The following RMND1 variants were observed in gnomAD, a reference collection of about 807,000 sequenced individuals.
The protein encoded by RMND1 is required for meiotic nuclear division protein 1 homolog.
RMND1 carries 41 observed loss-of-function variants against 54.0 expected under a neutral mutation model. The ratio of observed to expected loss-of-function variants is 0.76; its 90% CI spans 0.59 to 0.98. The LOEUF (loss-of-function observed/expected upper bound fraction) is 0.98. Among genes scored for constraint, RMND1 ranks in the 50% least tolerant of loss-of-function variants. The pLI, the probability that RMND1 is intolerant of heterozygous loss-of-function variation, is 0.00. For missense variants in RMND1, 457 were observed against 532.0 expected, an observed-to-expected ratio of 0.86 and a Z score of 1.39; for synonymous variants, 183 against 181.7, an observed-to-expected ratio of 1.01 and a Z score of -0.06.
intron 4 of RMND1, 74 bp from the exon 5 acceptor site, chr6:151,430,251 G>C (rs746535635): frequency 9.6e-7 from 1 of 1,045,516 alleles, no homozygotes; most frequent in Non-Finnish European, 1.5e-6. Flanking sequence ...ATAAAACCAT[G>C]TAACTTCTAG....
At chr6:151,448,809 C>T (rs1021566489) in intron 1 of RMND1, among the ~76,000 whole-genome samples, 3 of 152,222 alleles carry the variant, frequency 2.0e-5, no homozygotes, top group African/African-American at 7.2e-5. Context: ...AGCCCTCCAA[C>T]CAGGCATGGC....
At chr6:151,414,696 G>C (rs1190136840) in intron 10 of RMND1, among the ~76,000 whole-genome samples, 1 of 152,016 alleles carries the variant, frequency 6.6e-6, no homozygotes, top group African/African-American at 2.4e-5. Context: ...AACAGAGGAA[G>C]GAATCAATCA....
At chr6:151,406,639 C>T (rs983082252) in intron 10 of RMND1, among the ~76,000 whole-genome samples, 66 of 152,222 alleles carry the variant, frequency 4.3e-4, no homozygotes, top group Non-Finnish European at 2.2e-4. Flanking sequence ...CGTGAGCCAC[C>T]GTGCCAGGCC....
chr6:151,450,666 C>T (rs1382475449), intron 1 of RMND1, among the ~76,000 whole-genome samples: 2 of 151,088 alleles, frequency 1.3e-5, no homozygotes, highest in African/African-American at 4.9e-5. Context: ...ATGTGAGGAG[C>T]CCCTCTGCCC....
intron 6 of RMND1, among the ~76,000 whole-genome samples, chr6:151,425,815 CACTT>C (rs1780277958): frequency 1.3e-5 from 2 of 152,166 alleles, no homozygotes; most frequent in South Asian, 2.1e-4. Context: ...ACATGGAAGG[CACTT>C]ACTTAGAAAA....
chr6:151,451,013 T>A (rs1225019666), intron 1 of RMND1, among the ~76,000 whole-genome samples: 2 of 152,054 alleles, frequency 1.3e-5, no homozygotes, highest in African/African-American at 2.4e-5. Context: ...GCGTGCTGGT[T>A]AAGAGTCATC....
At chr6:151,415,895 G>A (rs1779990848) in intron 10 of RMND1, among the ~76,000 whole-genome samples, 1 of 152,070 alleles carries the variant, frequency 6.6e-6, no homozygotes, top group African/African-American at 2.4e-5. Flanking sequence ...TCACTGCCAG[G>A]GGTTAGGGAC....
At chr6:151,431,618 C>T (rs1468005126) in intron 4 of RMND1, among the ~76,000 whole-genome samples, 1 of 152,144 alleles carries the variant, frequency 6.6e-6, no homozygotes, top group African/African-American at 2.4e-5. Context: ...ATGTGGTACT[C>T]AGAGGCCACA....
chr6:151,434,797 T>C (rs187871461), intron 3 of RMND1, among the ~76,000 whole-genome samples: 2 of 152,340 alleles, frequency 1.3e-5, no homozygotes, highest in Admixed American at 1.3e-4. Flanking sequence ...ATAAATGTTC[T>C]GGGTATTGAG....
Position 151,427,445 on chromosome 6 carries a change from A to G in RMND1, c.830+37T>C, listed in dbSNP as rs770045113. The stretch of plus-strand genomic sequence containing the variant: ...CTATTGCTTTACCTAATTTATTCCA[A>G]GTGCCCCTTTCATAAATTTGATGAA... On this transcript the variant is annotated intron_variant, in intron 6 of 11. Coordinates refer to ENST00000444024, the MANE Select transcript of RMND1 (RefSeq NM_017909.4). 247 of 1,232,652 alleles carry G rather than the reference A, an allele frequency of 2.0e-4. 1 individual carries two copies. Among genetic ancestry groups the G allele is most frequent in the Non-Finnish European group, 2.8e-4 (237 of 837,898 alleles). The allele number at this position is 1,232,652 out of a possible 1,614,324, so 76.4% of individuals were successfully genotyped here.
chr6:151,406,141 T>C (rs541516958), intron 10 of RMND1, among the ~76,000 whole-genome samples: 2 of 152,204 alleles, frequency 1.3e-5, no homozygotes, highest in Non-Finnish European at 2.9e-5. Context: ...GAGGCAAACT[T>C]GAAACATAAT....
intron 1 of RMND1, among the ~76,000 whole-genome samples, chr6:151,449,791 G>T (rs989922010): frequency 3.3e-5 from 5 of 152,356 alleles, no homozygotes; most frequent in East Asian, 1.9e-4. Flanking sequence ...TGCGATTACA[G>T]GCGCATGCCG....
At position 151,414,734 on chromosome 6, in the gene RMND1, C is replaced by T. The variant is rs556015570; in HGVS notation, c.1200+2545G>A. On this transcript the variant is annotated intron_variant, in intron 10 of 11. Coordinates refer to ENST00000444024, the MANE Select transcript of RMND1 (RefSeq NM_017909.4). ...TAGAAGATGAAACAAAGGACATTAC[C>T]CAATCTTAACAGAGACAAAATATAC... 2.6e-5 allele frequency among the ~76,000 whole-genome samples: 4 copies of T among 152,010 alleles called. No individual in the cohort carries two copies. In the South Asian group the frequency reaches 8.3e-4, roughly 32 times the overall value.
At chr6:151,447,836 G>A (rs564613606) in intron 1 of RMND1, among the ~76,000 whole-genome samples, 43 of 127,122 alleles carry the variant, frequency 3.4e-4, no homozygotes, top group African/African-American at 1.1e-3. Context: ...TTTTTGAGAT[G>A]GGAGTCTCGC....
At chr6:151,405,404 G>C in intron 11 of RMND1, 137 bp from the exon 12 acceptor site, 1 of 760,670 alleles carries the variant, frequency 1.3e-6, no homozygotes, top group Non-Finnish European at 2.2e-6. Context: ...GGCAACCTAT[G>C]AATTGGAGGT....
intron 9 of RMND1, among the ~76,000 whole-genome samples, chr6:151,418,085 T>C (rs1369500603): frequency 2.6e-5 from 4 of 152,018 alleles, no homozygotes; most frequent in Admixed American, 2.0e-4. Context: ...GGATTACAGG[T>C]GTGAGCCACC....
At chr6:151,441,162 G>A (rs769117132) in intron 2 of RMND1, among the ~76,000 whole-genome samples, 2 of 152,134 alleles carry the variant, frequency 1.3e-5, no homozygotes, top group Non-Finnish European at 1.5e-5. Context: ...TATGATTCTT[G>A]TTTTAGGAGC....
chr6:151,440,147 G>A (rs1298825787), intron 2 of RMND1, among the ~76,000 whole-genome samples: 1 of 152,036 alleles, frequency 6.6e-6, no homozygotes, highest in Non-Finnish European at 1.5e-5. Context: ...AGTAGAGACG[G>A]TGTTTCTTCA....
intron 11 of RMND1, 128 bp downstream of exon 11, chr6:151,405,586 ATAGAGT>A (rs1437897214): frequency 4.8e-6 from 3 of 624,048 alleles, no homozygotes; most frequent in African/African-American, 1.8e-5. Context: ...AAACTTCCAA[ATAGAGT>A]TAGTAATGAT....
Sources: allele counts gnomAD v4.1 joint callset (sites outside exome capture counted in the v4.1 genomes callset), GRCh38; gene constraint gnomAD v4.1.1; transcripts MANE v1.5; gene names NCBI Gene and HGNC (gene_info 2026-07-23, HGNC 2026-07-21).